Variants in RMDN2 observed in about 807,000 individuals in gnomAD.
RMDN2 encodes regulator of microtubule dynamics protein 2.
In RMDN2, 61 loss-of-function variants were observed where a neutral mutation model predicts 52.8. The ratio of observed to expected loss-of-function variants is 1.16; its 90% CI spans 0.94 to 1.43. The LOEUF (loss-of-function observed/expected upper bound fraction) is 1.43, where lower values mean the gene tolerates loss of function less well. Ranked by LOEUF, RMDN2 falls within the 40% of genes most tolerant of loss-of-function variation. RMDN2 has a pLI of 0.00. For missense variants in RMDN2, 592 were observed against 475.3 expected (o/e 1.25, Z -2.28); for synonymous variants, 180 against 153.1 (o/e 1.18, Z -1.30).
intron 2 of RMDN2, among the ~76,000 whole-genome samples, chr2:37,959,634 CGT>C (rs1669940070): frequency 1.3e-5 from 2 of 150,698 alleles, no homozygotes; most frequent in African/African-American, 2.5e-5. Context: ...AAGGGTTTTT[CGT>C]GTCTCTATCC....
At chr2:37,989,517 T>C (rs1168862619) in intron 5 of RMDN2, 24 bp from the exon 6 acceptor site, 3 of 1,563,232 alleles carry the variant, frequency 1.9e-6, no homozygotes, top group Non-Finnish European at 2.6e-6. Context: ...GGCCACTGTT[T>C]TTGTCTGTTT....
rs145720933 is a variant in RMDN2, at chr2:38,004,202, A to G, written c.1165A>G (p.Thr389Ala). The G allele has an allele frequency of 2.1e-5, 34 of 1,613,126 alleles. No individual in the cohort carries two copies. Among genetic ancestry groups the G allele is most frequent in the African/African-American group, 2.7e-5 (2 of 74,888 alleles). The change falls in exon 10 of 11, where the codon ACT (threonine) becomes GCT (alanine). Residue 389 changes from threonine to alanine, a missense_variant. Physicochemically the swap from Thr to Ala is moderately conservative, Grantham distance 58 (BLOSUM62 0). Coordinates refer to ENST00000354545, the MANE Select transcript of RMDN2 (RefSeq NM_001170791.3). ...CTGTAATTTGGCTTTATTGCTTCCT[A>G]CTGTTACCAAAGAGGTAAGTCCAGA... The part of the protein sequence containing the change: ...KFCNLALLLP[T>A]VTKEDKEAQK...
At chr2:38,014,836 C>T (rs918839320) in intron 10 of RMDN2, among the ~76,000 whole-genome samples, 1 of 152,116 alleles carries the variant, frequency 6.6e-6, no homozygotes, top group Non-Finnish European at 1.5e-5. Context: ...ATCATGAATT[C>T]TGTGGTCTAG....
intron 4 of RMDN2, among the ~76,000 whole-genome samples, chr2:37,976,865 T>C (rs1181639055): frequency 6.6e-6 from 1 of 152,098 alleles, no homozygotes; most frequent in East Asian, 1.9e-4. Context: ...TTTTTAGTAT[T>C]TATTGATCAT....
chr2:37,973,079 C>CTA (rs1672011663), intron 2 of RMDN2, among the ~76,000 whole-genome samples: 2 of 139,870 alleles, frequency 1.4e-5, no homozygotes, highest in African/African-American at 5.6e-5. Context: ...AAAGGTATAG[C>CTA]TATCTAAAAT....
intron 2 of RMDN2, among the ~76,000 whole-genome samples, chr2:37,973,215 G>C (rs1330650561): frequency 6.6e-6 from 1 of 152,194 alleles, no homozygotes; most frequent in Non-Finnish European, 1.5e-5. Flanking sequence ...AACAGGCAGA[G>C]TCTGAATTAA....
chr2:37,993,419 G>A (rs1675086763), intron 7 of RMDN2, among the ~76,000 whole-genome samples: 1 of 151,840 alleles, frequency 6.6e-6, no homozygotes, highest in African/African-American at 2.4e-5. Flanking sequence ...ATGCAGACTA[G>A]AGAACTCAAA....
intron 2 of RMDN2, among the ~76,000 whole-genome samples, chr2:37,970,371 TA>T (rs1353423935): frequency 2.6e-5 from 4 of 152,246 alleles, no homozygotes; most frequent in African/African-American, 9.6e-5. Flanking sequence ...ACTGTGCTTG[TA>T]ATTTCTAGTA....
At chr2:38,015,784 C>A (rs1413067711) in intron 10 of RMDN2, among the ~76,000 whole-genome samples, 1 of 152,176 alleles carries the variant, frequency 6.6e-6, no homozygotes, top group African/African-American at 2.4e-5. Flanking sequence ...GATCTAACAA[C>A]ATGTCAATAC....
intron 2 of RMDN2, among the ~76,000 whole-genome samples, chr2:37,947,992 C>G (rs1171075102): frequency 6.6e-6 from 1 of 152,150 alleles, no homozygotes; most frequent in Non-Finnish European, 1.5e-5. Flanking sequence ...CTTTTCTAGA[C>G]TCCAGCTTAG....
chr2:37,922,469 G>A (rs1304738166), upstream of RMDN2, among the ~76,000 whole-genome samples: 11 of 150,886 alleles, frequency 7.3e-5, no homozygotes, highest in Non-Finnish European at 1.6e-4. Flanking sequence ...CTATAATGAA[G>A]GACTATACAT....
upstream of RMDN2, chr2:37,923,201 C>T (rs1666080770): frequency 6.6e-6 from 1 of 152,170 alleles, no homozygotes; most frequent in African/African-American, 2.4e-5. Flanking sequence ...ACAGCTTTGC[C>T]AAGGTCAATG....
intron 2 of RMDN2, among the ~76,000 whole-genome samples, chr2:37,964,204 CCTCACTT>C (rs921106030): frequency 6.6e-6 from 1 of 151,668 alleles, no homozygotes; most frequent in African/African-American, 2.4e-5. Context: ...CGGAGGGGCT[CCTCACTT>C]CTCAGACAGG....
intron 2 of RMDN2, among the ~76,000 whole-genome samples, chr2:37,970,479 A>G (rs1398200336): frequency 1.3e-5 from 2 of 152,050 alleles, no homozygotes; most frequent in Non-Finnish European, 2.9e-5. Context: ...TATGTGTAAG[A>G]TTGGCCTATA....
intron 2 of RMDN2, among the ~76,000 whole-genome samples, chr2:37,963,998 ACCTC>A (rs1450869081): frequency 3.6e-5 from 5 of 139,480 alleles, no homozygotes; most frequent in African/African-American, 1.3e-4. Context: ...GCTGCCCCCC[ACCTC>A]CCTCCCGGAC....
chr2:37,987,857 G>C (rs745526707), intron 5 of RMDN2, among the ~76,000 whole-genome samples: 1 of 150,402 alleles, frequency 6.6e-6, no homozygotes, highest in Non-Finnish European at 1.5e-5. Flanking sequence ...TCAGGAGTTC[G>C]AGACCAGTCT....
intron 10 of RMDN2, among the ~76,000 whole-genome samples, chr2:38,042,445 A>ACACAC (rs1681026605): frequency 6.9e-6 from 1 of 145,218 alleles, no homozygotes; most frequent in African/African-American, 2.5e-5. Context: ...CACACACACC[A>ACACAC]CACACACACA....
In RMDN2 at chr2:37,978,777, CAGATAGAT is replaced by C. The variant is rs1213724373; in HGVS notation, c.731-2474_731-2467del. Reference sequence around the variant, plus strand: ...TGGGTAACAGAGCAAGACCCTTTCTCAGATAGATAGATAGATAGATAGATAGATAGATA... The same window carrying C: ...TGGGTAACAGAGCAAGACCCTTTCTCAGATAGATAGATAGATAGATAGATA... On this transcript the variant is annotated intron_variant, in intron 4 of 10. Coordinates refer to ENST00000354545, the MANE Select transcript of RMDN2 (RefSeq NM_001170791.3). Among the ~76,000 whole-genome samples, 672 of 148,860 alleles carry C rather than the reference CAGATAGAT, an allele frequency of 4.5e-3. 4 individuals are homozygous for C. The highest frequency in any genetic ancestry group is 9.6e-3 in the African/African-American group (384 of 40,172).
chr2:38,054,690 A>T (rs1681781397), intron 10 of RMDN2, among the ~76,000 whole-genome samples: 1 of 152,070 alleles, frequency 6.6e-6, no homozygotes. Flanking sequence ...CAGCATGACC[A>T]CCTACCCATT....
Sources: gnomAD v4.1 joint callset for allele counts (sites outside exome capture counted in the v4.1 genomes callset) on GRCh38, gnomAD v4.1.1 for gene constraint, MANE v1.5 for transcripts, NCBI Gene and HGNC (gene_info 2026-07-23, HGNC 2026-07-21) for gene names.